The following IP6K2 variants were observed in gnomAD, a reference collection of about 807,000 sequenced individuals.
IP6K2 encodes the protein ATP:1D-myo-inositol-hexakisphosphate phosphotransferase.
A neutral mutation model predicts 43.3 loss-of-function variants in IP6K2; 9 were observed. The ratio of observed to expected loss-of-function variants is 0.21; its 90% CI spans 0.13 to 0.36. The LOEUF is 0.36. Ranked by LOEUF, IP6K2 falls within the 10% of genes least tolerant of loss-of-function variation. The probability of loss-of-function intolerance (pLI) is 1.00; values close to 1 mark genes in which losing one functional copy is unlikely to be tolerated. For missense variants in IP6K2, 332 were observed against 538.4 expected, an observed-to-expected ratio of 0.62 and a Z score of 3.79; for synonymous variants, 209 against 202.4, an observed-to-expected ratio of 1.03 and a Z score of -0.28.
chr3:48,694,619 C>T, intron 2 of IP6K2: 1 of 1,520,610 alleles, frequency 6.6e-7, no homozygotes, highest in East Asian at 2.5e-5. Context: ...TCTGTAACAG[C>T]AAAGGGCTTG....
intron 1 of IP6K2, among the ~76,000 whole-genome samples, chr3:48,704,338 C>A (rs1481535319): frequency 6.6e-6 from 1 of 152,148 alleles, no homozygotes; most frequent in Admixed American, 6.5e-5. Context: ...AACACATTCG[C>A]CTCCACATCC....
chr3:48,698,633 G>C (rs1056286839), intron 1 of IP6K2, among the ~76,000 whole-genome samples: 2 of 152,144 alleles, frequency 1.3e-5, no homozygotes, highest in African/African-American at 2.4e-5. Flanking sequence ...ACCACGCCTG[G>C]CTAATTTTTT....
At chr3:48,711,735 CA>C (rs755056004) in intron 1 of IP6K2, among the ~76,000 whole-genome samples, 2 of 152,164 alleles carry the variant, frequency 1.3e-5, no homozygotes, top group Non-Finnish European at 2.9e-5. Context: ...GATGGTTTAA[CA>C]AGTTATTTGT....
intron 3 of IP6K2, among the ~76,000 whole-genome samples, chr3:48,691,814 A>ATAAG (rs1458215632): frequency 6.6e-6 from 1 of 151,780 alleles, no homozygotes; most frequent in East Asian, 1.9e-4. Context: ...AAATAAATAA[A>ATAAG]TAAATAAATA....
chr3:48,695,477 A>ACC lies in IP6K2; in HGVS notation c.-130-57_-130-56insGG. 3.7e-6 allele frequency: 5 copies of ACC among 1,349,974 alleles called. No individual in the cohort carries two copies. Among genetic ancestry groups the ACC allele is most frequent in the South Asian group, 4.2e-5 (2 of 47,786 alleles). The allele number at this position is 1,349,974 out of a possible 1,614,324, so 83.6% of individuals were successfully genotyped here. On this transcript the variant is annotated intron_variant, in intron 1 of 5. Transcript: ENST00000328631. The surrounding 1 kb of genome is among the most constrained non-coding windows in gnomAD (Gnocchi z 4.6). ...TTCGAAGTAGCGTGGGAAGTGCCTT[A>ACC]GAGCTGCTCACCCTGCTCCTTCAGC...
intron 1 of IP6K2, among the ~76,000 whole-genome samples, chr3:48,698,543 C>A (rs1299512630): frequency 6.6e-6 from 1 of 152,190 alleles, no homozygotes; most frequent in Non-Finnish European, 1.5e-5. Context: ...GACCTTGGCT[C>A]ACTGCAACCT....
rs749926577 is a variant in IP6K2, at chr3:48,691,493, A to G, written c.429-11T>C. ...TCTTCTAACTTATGGCTATAAAGAG[A>G]TAAGGACCAATAAATCAGTATGTCT... On this transcript the variant is annotated splice_polypyrimidine_tract_variant and intron_variant, in intron 3 of 5. Coordinates refer to ENST00000328631, the MANE Select transcript of IP6K2 (RefSeq NM_016291.4). 10 of 1,588,448 alleles carry G rather than the reference A, an allele frequency of 6.3e-6. No homozygotes were observed. The South Asian group carries it at 6.7e-5, about 11-fold the overall frequency.
In IP6K2 at chr3:48,693,110, C is replaced by A; in HGVS notation, c.272G>T (p.Gly91Val). The A allele has an allele frequency of 6.2e-7, 1 of 1,614,208 alleles. No homozygotes were observed. The change falls in exon 3 of 6, where the codon GGG (glycine) becomes GTG (valine). Residue 91 changes from glycine (G) to valine (V), a missense_variant. By Grantham distance (109) the Gly-to-Val change is moderately radical. Transcript: ENST00000328631. ...TACAATGTCCACAATTCCATGGTCC[C>A]CTTTCAATGGATATGCTATTAGACA... Reference protein sequence around the residue: ...NLCLIAYPLKGDHGIVDIVDN... With the variant: ...NLCLIAYPLKVDHGIVDIVDN...
In IP6K2 at chr3:48,688,101, TAA is replaced by T. The variant is rs1220492656; in HGVS notation, c.*170_*171del. On this transcript the variant is annotated 3_prime_UTR_variant, in exon 6 of 6. Transcript: ENST00000328631. The surrounding 1 kb of genome is among the most constrained non-coding windows in gnomAD (Gnocchi z 5.1). ...ATGTTGAAGAAATAGTTAAAATAAA[TAA>T]AGACTCCAAGCACAGCTGGGACTGG... The T allele has an allele frequency of 3.0e-6, 2 of 665,664 alleles. No homozygotes were observed. Among genetic ancestry groups the T allele is most frequent in the African/African-American group, 3.6e-5 (2 of 55,466 alleles). 41.2% of individuals were successfully genotyped at this position (665,664 alleles called of 1,614,324 possible).
chr3:48,696,496 G>A (rs1312158572), intron 1 of IP6K2, among the ~76,000 whole-genome samples: 1 of 152,148 alleles, frequency 6.6e-6, no homozygotes, highest in Non-Finnish European at 1.5e-5. Flanking sequence ...CCAAAGTTAT[G>A]CTCTTGGGGC....
chr3:48,711,182 A>G (rs1378878580), intron 1 of IP6K2, among the ~76,000 whole-genome samples: 1 of 152,190 alleles, frequency 6.6e-6, no homozygotes, highest in Non-Finnish European at 1.5e-5. Context: ...AAGTGCCAGG[A>G]TTACGGGCAT....
Position 48,689,563 on chromosome 3 carries a change from A to C in IP6K2, c.755T>G (p.Ile252Ser). 6.2e-7 allele frequency: 1 copy of C among 1,613,830 alleles called. No individual in the cohort carries two copies. Among genetic ancestry groups the C allele is most frequent in the Non-Finnish European group, 8.5e-7 (1 of 1,179,958 alleles). The change falls in exon 5 of 6, where the codon ATT becomes AGT. Residue 252 changes from isoleucine to serine, a missense_variant. Physicochemically the swap from Ile to Ser is moderately radical, Grantham distance 142. Transcript: ENST00000328631. The part of the protein sequence containing the change: ...RKCQQSTSAV[I>S]GVRVCGMQVY... ...CTGCATGCCACACACACGCACACCAATGACTGCAGATGTGCTCTGCTGACA... is the reference window on the plus strand; with the variant it reads ...CTGCATGCCACACACACGCACACCACTGACTGCAGATGTGCTCTGCTGACA...
chr3:48,695,284 G>A lies in IP6K2; in HGVS notation c.8C>T (p.Pro3Leu). Residue 3 changes from proline (P) to leucine (L), a missense_variant, in exon 2 of 6, where the codon CCA becomes CTA. Coordinates refer to ENST00000328631, the MANE Select transcript of IP6K2 (RefSeq NM_016291.4). This position sits in a 1 kb window ranked among gnomAD's most constrained non-coding sequence, Gnocchi z 4.6. Reference sequence around the variant, plus strand: ...CTCCACATCCATGGCCCTGAAGGCTGGGCTCATCCTCCGGGCGCAGATGGC... The same window carrying A: ...CTCCACATCCATGGCCCTGAAGGCTAGGCTCATCCTCCGGGCGCAGATGGC... Reference protein sequence around the residue: MSPAFRAMDVEPR... With the variant: MSLAFRAMDVEPR... The A allele has an allele frequency of 5.0e-6, 8 of 1,599,738 alleles. No homozygotes were observed. The highest frequency in any genetic ancestry group is 6.8e-6 in the Non-Finnish European group (8 of 1,170,114).
chr3:48,688,383 G>A lies in IP6K2; in HGVS notation c.1171C>T (p.Leu391=). ...TGCACCACGGTGTCCTCGCCATACA[G>A]CCTGCAGGTGGTGTGTGCAAAGTCG... ...MIDFAHTTCR[L]YGEDTVVHEG... is the part of the protein sequence containing the mutation. The change falls in exon 6 of 6, where the codon CTG becomes TTG. Residue 391 remains leucine, a synonymous_variant. Coordinates refer to ENST00000328631, the MANE Select transcript of IP6K2 (RefSeq NM_016291.4). The surrounding 1 kb of genome is among the most constrained non-coding windows in gnomAD (Gnocchi z 5.1). 4 of 1,614,228 alleles carry A rather than the reference G, an allele frequency of 2.5e-6. No individual in the cohort carries two copies. The highest frequency in any genetic ancestry group is 1.7e-5 in the Admixed American group (1 of 60,022).
Position 48,695,941 on chromosome 3 carries a change from G to C in IP6K2, c.-130-520C>G, listed in dbSNP as rs2078296045. 6.6e-6 allele frequency among the ~76,000 whole-genome samples: 1 copy of C among 150,580 alleles called. No individual in the cohort carries two copies. The highest frequency in any genetic ancestry group is 2.4e-5 in the African/African-American group (1 of 40,978). On this transcript the variant is annotated intron_variant, in intron 1 of 5. Coordinates refer to ENST00000328631, the MANE Select transcript of IP6K2 (RefSeq NM_016291.4). This position sits in a 1 kb window ranked among gnomAD's most constrained non-coding sequence, Gnocchi z 4.6. ...CACTCTATCGCCAGGCGGGAGTGCA[G>C]TGGCACAATCTCGACTCACTGCAAC...
Position 48,695,781 on chromosome 3 carries a change from G to A in IP6K2, c.-130-360C>T, listed in dbSNP as rs771026167. On this transcript the variant is annotated intron_variant, in intron 1 of 5. Transcript: ENST00000328631. The surrounding 1 kb of genome is among the most constrained non-coding windows in gnomAD (Gnocchi z 4.6). Reference sequence around the variant, plus strand: ...TAAATCTTACCATTTTCTAATAAGAGTGTCAAGCTTTAAGTGGATGATGCC... The same window carrying A: ...TAAATCTTACCATTTTCTAATAAGAATGTCAAGCTTTAAGTGGATGATGCC... Among the ~76,000 whole-genome samples, 1 of 150,518 alleles carries A rather than the reference G, an allele frequency of 6.6e-6. No individual in the cohort carries two copies. Among genetic ancestry groups the A allele is most frequent in the Non-Finnish European group, 1.5e-5 (1 of 67,758 alleles).
intron 1 of IP6K2, among the ~76,000 whole-genome samples, chr3:48,696,548 C>T (rs910337455): frequency 6.6e-6 from 1 of 152,146 alleles, no homozygotes; most frequent in African/African-American, 2.4e-5. Context: ...GCACTGGATG[C>T]CGCATCAACG....
intron 1 of IP6K2, among the ~76,000 whole-genome samples, chr3:48,709,350 T>G (rs1297078725): frequency 6.6e-6 from 1 of 152,220 alleles, no homozygotes; most frequent in Non-Finnish European, 1.5e-5. Flanking sequence ...CCAAGGGAAC[T>G]CTGACAATTT....
intron 1 of IP6K2, among the ~76,000 whole-genome samples, chr3:48,716,866 C>T (rs1176950928): frequency 6.6e-6 from 1 of 152,066 alleles, no homozygotes; most frequent in East Asian, 1.9e-4. Flanking sequence ...AGGAAAGATC[C>T]TGCCCTCCCC....
Sources: gnomAD v4.1 joint callset for allele counts (sites outside exome capture counted in the v4.1 genomes callset) on GRCh38, gnomAD v4.1.1 for gene constraint, Gnocchi (gnomAD v3.1) non-coding constraint, MANE v1.5 for transcripts, NCBI Gene and HGNC (gene_info 2026-07-23, HGNC 2026-07-21) for gene names.